The following RNF157 variants were observed in gnomAD, a reference collection of about 807,000 sequenced individuals.
RNF157 encodes the protein ring finger protein 157, also known as E3 ubiquitin ligase RNF157.
Under a neutral mutation model 88.3 loss-of-function variants are expected in RNF157, and 55 were observed. The observed-to-expected ratio is 0.62, with a 90% CI of 0.50 to 0.78. The LOEUF is 0.78. Ranked by LOEUF, RNF157 falls within the 30% of genes least tolerant of loss-of-function variation. The probability of loss-of-function intolerance (pLI) is 0.00; values close to 1 mark genes in which losing one functional copy is unlikely to be tolerated. For missense variants in RNF157, 788 were observed against 860.8 expected (o/e 0.92, Z 1.06); for synonymous variants, 334 against 341.2 (o/e 0.98, Z 0.23).
At chr17:76,219,911 A>AG (rs1343526862) in intron 1 of RNF157, among the ~76,000 whole-genome samples, 1 of 152,190 alleles carries the variant, frequency 6.6e-6, no homozygotes, top group Non-Finnish European at 1.5e-5. Context: ...TATCATACCT[A>AG]GCGTATTGAG....
chr17:76,161,425 A>G lies in RNF157; in HGVS notation c.1065+110T>C, dbSNP rs540084860. The G allele has an allele frequency of 1.7e-4, 145 of 844,508 alleles. No individual in the cohort carries two copies. The highest frequency in any genetic ancestry group is 2.2e-5 in the Non-Finnish European group (11 of 499,542). The allele number at this position is 844,508 out of a possible 1,614,324, so 52.3% of individuals were successfully genotyped here. A position where few individuals can be genotyped will look rare whatever the true frequency, so the allele number is the denominator to read the frequency against. On this transcript the variant is annotated intron_variant, in intron 11 of 18. Coordinates refer to ENST00000269391, the MANE Select transcript of RNF157 (RefSeq NM_052916.3). The surrounding 1 kb of genome is among the most constrained non-coding windows in gnomAD (Gnocchi z 4.6). ...CAGCCGGCTTGCTAAATACTGCAGC[A>G]TGCCCTGGTCTAATTCCTTGCTGCA... is the stretch of plus-strand genomic sequence containing the variant.
rs2068572454 is a variant in RNF157 at position 76,145,560 on chromosome 17, G to A, written c.1922-207C>T. On this transcript the variant is annotated intron_variant, in intron 18 of 18. Coordinates refer to ENST00000269391, the MANE Select transcript of RNF157 (RefSeq NM_052916.3). ...TGCAGAGCCTGCTCCTGCCCCCTGG[G>A]CTAGGTACAGTCACTGCCACTGTGG... is the stretch of plus-strand genomic sequence containing the variant. 1.3e-5 allele frequency: 7 copies of A among 520,294 alleles called. No homozygotes were observed. The South Asian group carries it at 1.8e-4, about 13-fold the overall frequency. The allele number at this position is 520,294 out of a possible 1,614,324, so 32.2% of individuals were successfully genotyped here.
intron 2 of RNF157, among the ~76,000 whole-genome samples, chr17:76,201,095 A>C (rs2069568432): frequency 6.6e-6 from 1 of 152,080 alleles, no homozygotes; most frequent in Admixed American, 6.6e-5. Context: ...TCCTTCCTCT[A>C]CTTAGAAGTA....
intron 1 of RNF157, among the ~76,000 whole-genome samples, chr17:76,234,775 A>G (rs1401652859): frequency 3.3e-5 from 5 of 152,192 alleles, no homozygotes; most frequent in Non-Finnish European, 7.3e-5. Context: ...TGTCATACCT[A>G]TGATTTATAA....
rs900835017 is a variant in RNF157, at chr17:76,176,064, C to T, written c.208-2274G>A. On this transcript the variant is annotated intron_variant, in intron 2 of 18. Coordinates refer to ENST00000269391, the MANE Select transcript of RNF157 (RefSeq NM_052916.3). The surrounding 1 kb of genome is among the most constrained non-coding windows in gnomAD (Gnocchi z 4.2). Reference sequence around the variant, plus strand: ...GGAGAAGCTTGTTCGTGGGCTGCTACCCACCAAAGTTTGTGCCTTGCTGGC... The same window carrying T: ...GGAGAAGCTTGTTCGTGGGCTGCTATCCACCAAAGTTTGTGCCTTGCTGGC... Among the ~76,000 whole-genome samples, 1 of 152,212 alleles carries T rather than the reference C, an allele frequency of 6.6e-6. No homozygotes were observed. Among genetic ancestry groups the T allele is most frequent in the Admixed American group, 6.5e-5 (1 of 15,270 alleles).
rs1283025473 is a variant in RNF157 at position 76,146,926 on chromosome 17, G to A, written c.1922-1573C>T. ...ATGAAACCCTTTAATGGCATGTAGA[G>A]TCAACAGGTATAAATGGCTTATTTC... is the stretch of plus-strand genomic sequence containing the variant. On this transcript the variant is annotated intron_variant, in intron 18 of 18. Coordinates refer to ENST00000269391, the MANE Select transcript of RNF157 (RefSeq NM_052916.3). This position sits in a 1 kb window ranked among gnomAD's most constrained non-coding sequence, Gnocchi z 4.2. The A allele has an allele frequency of 1.0e-6, 1 of 985,334 alleles. No individual in the cohort carries two copies. The highest frequency in any genetic ancestry group is 1.2e-6 in the Non-Finnish European group (1 of 829,938). 61.0% of individuals were successfully genotyped at this position (985,334 alleles called of 1,614,324 possible).
intron 17 of RNF157, 89 bp downstream of exon 17, chr17:76,154,194 G>A (rs753461773): frequency 5.8e-5 from 55 of 947,340 alleles, no homozygotes; most frequent in Middle Eastern, 2.6e-4. Context: ...GCGCCACCAC[G>A]TCATACCGGT....
chr17:76,149,324 C>T (rs2068637166), intron 18 of RNF157, among the ~76,000 whole-genome samples: 1 of 151,986 alleles, frequency 6.6e-6, no homozygotes, highest in Admixed American at 6.6e-5. Flanking sequence ...GCAGCCCGGG[C>T]TCCATTTCCC....
intron 3 of RNF157, among the ~76,000 whole-genome samples, chr17:76,168,499 G>A (rs1382470963): frequency 6.6e-6 from 1 of 151,592 alleles, no homozygotes; most frequent in East Asian, 1.9e-4. Flanking sequence ...AGCTCTCTGG[G>A]GCTGTCTAAA....
At chr17:76,196,514 T>TA (rs1488073262) in intron 2 of RNF157, among the ~76,000 whole-genome samples, 82 of 152,228 alleles carry the variant, frequency 5.4e-4, no homozygotes, top group Non-Finnish European at 6.8e-4. Context: ...TATACATCAA[T>TA]AAATATTTTT....
intron 2 of RNF157, among the ~76,000 whole-genome samples, chr17:76,185,583 C>G (rs1376128113): frequency 1.3e-5 from 2 of 151,404 alleles, no homozygotes; most frequent in Non-Finnish European, 2.9e-5. Flanking sequence ...CATTCTCCTG[C>G]CTCAGCCTCC....
At position 76,145,237 on chromosome 17, in the gene RNF157, A is replaced by G. The variant is rs1298930550; in HGVS notation, c.2038T>C (p.Ter680ArgextTer62). Residue 680 changes from the stop codon to arginine (R), a stop_lost, in exon 19 of 19, where the codon TGA (stop) becomes CGA (arginine). Coordinates refer to ENST00000269391, the MANE Select transcript of RNF157 (RefSeq NM_052916.3). ...AGCCCAAGTGCAGAGGCTGGGGCTC[A>G]GACAGCCAAAGGGCCCCACACACAG... The part of the protein sequence containing the change: ...RPCVWGPLAV[*>R] 12 of 1,597,744 alleles carry G rather than the reference A, an allele frequency of 7.5e-6. No homozygotes were observed. Among genetic ancestry groups the G allele is most frequent in the Non-Finnish European group, 1.0e-5 (12 of 1,169,706 alleles).
At position 76,155,599 on chromosome 17, in the gene RNF157, G is replaced by A; in HGVS notation, c.1661C>T (p.Pro554Leu). 6.2e-7 allele frequency: 1 copy of A among 1,613,070 alleles called. No homozygotes were observed. The highest frequency in any genetic ancestry group is 8.5e-7 in the Non-Finnish European group (1 of 1,179,748). ...TEEEGEALSS[P>L]QPASRAPSEE... is the part of the protein sequence containing the mutation. The stretch of plus-strand genomic sequence containing the variant: ...TGAGGGGGCCCTGCTGGCAGGCTGG[G>A]GGGAAGAGAGAGCCTCTCCCTCCTC... The change falls in exon 15 of 19, where the codon CCC (proline) becomes CTC (leucine). Residue 554 changes from proline (P) to leucine (L), a missense_variant. Transcript: ENST00000269391.
chr17:76,239,892 A>T (rs912573684), intron 1 of RNF157, among the ~76,000 whole-genome samples: 2 of 152,126 alleles, frequency 1.3e-5, no homozygotes, highest in African/African-American at 4.8e-5. Flanking sequence ...ATTACAATGG[A>T]GGCCGCTCCC....
intron 1 of RNF157, among the ~76,000 whole-genome samples, chr17:76,214,747 A>G (rs1265159097): frequency 1.3e-5 from 2 of 152,172 alleles, no homozygotes; most frequent in South Asian, 4.1e-4. Context: ...CAGGAGGCAG[A>G]AATATTTTCA....
At chr17:76,154,731 GAAGAGTTCTAGGGCT>G (rs2068735458) in intron 16 of RNF157, 1 of 225,134 alleles carries the variant, frequency 4.4e-6, no homozygotes, top group East Asian at 1.2e-4. Context: ...GTTGGCTCAA[GAAGAGTTCTAGGGCT>G]CTCACTGTGA....
chr17:76,198,547 C>G (rs1263701080), intron 2 of RNF157, among the ~76,000 whole-genome samples: 2 of 152,204 alleles, frequency 1.3e-5, no homozygotes, highest in Admixed American at 1.3e-4. Context: ...ACCCTAGATT[C>G]TGCCCCACAC....
At chr17:76,197,873 A>G (rs1434576198) in intron 2 of RNF157, among the ~76,000 whole-genome samples, 2 of 152,160 alleles carry the variant, frequency 1.3e-5, no homozygotes, top group Non-Finnish European at 2.9e-5. Context: ...AGTGAACTCT[A>G]AGACTTGAGA....
At chr17:76,163,543 T>C (rs541075751) in intron 8 of RNF157, 1 of 152,338 alleles carries the variant, frequency 6.6e-6, no homozygotes, top group Non-Finnish European at 1.5e-5. Flanking sequence ...CCCACTCCCA[T>C]TAACCTGGGC....
Sources: allele counts gnomAD v4.1 joint callset (sites outside exome capture counted in the v4.1 genomes callset), GRCh38; gene constraint gnomAD v4.1.1; non-coding constraint Gnocchi (gnomAD v3.1); transcripts MANE v1.5; gene names NCBI Gene and HGNC (gene_info 2026-07-23, HGNC 2026-07-21).